EPHB1: variants seen among roughly 807,000 people sequenced by gnomAD.
The protein encoded by EPHB1 is EPH receptor B1.
A neutral mutation model predicts 94.4 loss-of-function variants in EPHB1; 30 were observed. The observed-to-expected ratio is 0.32, with a 90% CI of 0.24 to 0.43. The LOEUF is 0.43. Ranked by LOEUF, EPHB1 falls within the 20% of genes least tolerant of loss-of-function variation. EPHB1 has a pLI of 1.00. For synonymous variants in EPHB1, 522 were observed against 489.1 expected (o/e 1.07, Z -0.89); for missense variants, 1,055 against 1,308.3 (o/e 0.81, Z 2.99).
At chr3:134,860,216 G>A (rs929186545) in intron 1 of EPHB1, among the ~76,000 whole-genome samples, 1 of 128,498 alleles carries the variant, frequency 7.8e-6, no homozygotes, top group Non-Finnish European at 1.7e-5. Context: ...GGGGCACAGG[G>A]ATCAGCTGAC....
chr3:134,805,414 C>T (rs2036023527), intron 1 of EPHB1, among the ~76,000 whole-genome samples: 2 of 152,142 alleles, frequency 1.3e-5, no homozygotes, highest in South Asian at 2.1e-4. Flanking sequence ...CTTTGGGTGT[C>T]GAACCATAAT....
intron 3 of EPHB1, among the ~76,000 whole-genome samples, chr3:135,059,176 C>T (rs934252304): frequency 4.7e-4 from 71 of 152,182 alleles, no homozygotes; most frequent in African/African-American, 1.5e-3. Flanking sequence ...AACTGGGGAA[C>T]TTATGTTCCC....
chr3:134,973,651 C>T (rs192372320), intron 3 of EPHB1, among the ~76,000 whole-genome samples: 56 of 152,090 alleles, frequency 3.7e-4, no homozygotes, highest in African/African-American at 1.3e-3. Context: ...AGGCTAGTCT[C>T]GAACTCCTGA....
chr3:134,964,101 C>A (rs1933634128), intron 3 of EPHB1, among the ~76,000 whole-genome samples: 1 of 152,140 alleles, frequency 6.6e-6, no homozygotes, highest in African/African-American at 2.4e-5. Context: ...GAAAACAGAA[C>A]AAAACACACT....
At position 135,132,954 on chromosome 3, in the gene EPHB1, C is replaced by T. The variant is rs541095826; in HGVS notation, c.1202C>T (p.Pro401Leu). 9.9e-6 allele frequency: 16 copies of T among 1,613,898 alleles called. No individual in the cohort carries two copies. The highest frequency in any genetic ancestry group is 1.7e-5 in the Admixed American group (1 of 60,006). Residue 401 changes from proline (P) to leucine (L), a missense_variant, in exon 5 of 16, where the codon CCC becomes CTC. Pro to Leu is a moderately conservative substitution (Grantham distance 98, BLOSUM62 -3). Coordinates refer to ENST00000398015, the MANE Select transcript of EPHB1 (RefSeq NM_004441.5). Reference sequence around the variant, plus strand: ...ATCAGCAGCCTGTGGGCCCACACCCCCTACACCTTTGACATCCAGGCCATC... The same window carrying T: ...ATCAGCAGCCTGTGGGCCCACACCCTCTACACCTTTGACATCCAGGCCATC... ...VSISSLWAHT[P>L]YTFDIQAING... is the part of the protein sequence containing the mutation.
intron 3 of EPHB1, among the ~76,000 whole-genome samples, chr3:135,021,483 G>A (rs187459090): frequency 8.1e-4 from 122 of 151,444 alleles, no homozygotes; most frequent in African/African-American, 2.8e-3. Context: ...GGTTATTTCT[G>A]GTATTAAAGA....
intron 3 of EPHB1, among the ~76,000 whole-genome samples, chr3:135,025,127 TTCCTTCCTTCCC>T (rs1413584368): frequency 1.2e-3 from 123 of 100,126 alleles, no homozygotes; most frequent in East Asian, 3.6e-3. Flanking sequence ...CCCCCCTTCC[TTCCTTCCTTCCC>T]TCCTTCCTTC....
At chr3:135,086,128 G>A (rs1938352229) in intron 3 of EPHB1, among the ~76,000 whole-genome samples, 1 of 151,972 alleles carries the variant, frequency 6.6e-6, no homozygotes, top group African/African-American at 2.4e-5. Context: ...AGATATGAGA[G>A]GATGCAGACA....
At chr3:135,174,763 C>T (rs1413352837) in intron 9 of EPHB1, among the ~76,000 whole-genome samples, 1 of 152,222 alleles carries the variant, frequency 6.6e-6, no homozygotes, top group Admixed American at 6.5e-5. Flanking sequence ...GCTTAAATAT[C>T]TGGACCAATT....
At chr3:135,000,341 G>A (rs1187418085) in intron 3 of EPHB1, among the ~76,000 whole-genome samples, 1 of 152,150 alleles carries the variant, frequency 6.6e-6, no homozygotes, top group African/African-American at 2.4e-5. Context: ...CCCATGAGAA[G>A]GGTACATATA....
At chr3:135,093,724 A>C (rs78667124) in intron 3 of EPHB1, among the ~76,000 whole-genome samples, 1 of 114,150 alleles carries the variant, frequency 8.8e-6, no homozygotes, top group African/African-American at 2.8e-5. Context: ...CCTGACTCAA[A>C]AAAAAAAAAA....
intron 9 of EPHB1, among the ~76,000 whole-genome samples, chr3:135,170,357 C>T (rs1416020976): frequency 5.9e-5 from 9 of 152,152 alleles, no homozygotes; most frequent in Non-Finnish European, 1.2e-4. Context: ...TAATGTTCCT[C>T]CTCAGAACCT....
intron 10 of EPHB1, among the ~76,000 whole-genome samples, chr3:135,189,184 C>T (rs966881151): frequency 2.6e-5 from 4 of 152,216 alleles, no homozygotes; most frequent in African/African-American, 9.6e-5. Flanking sequence ...TTCTTTCTCT[C>T]CTCTCACATC....
At chr3:135,135,622 T>C (rs1403452273) in intron 5 of EPHB1, among the ~76,000 whole-genome samples, 1 of 152,188 alleles carries the variant, frequency 6.6e-6, no homozygotes, top group Non-Finnish European at 1.5e-5. Context: ...TGGTCCACTC[T>C]AGCTCACACT....
chr3:134,955,672 CGTAT>C (rs1553714775), intron 3 of EPHB1, among the ~76,000 whole-genome samples: 1 of 148,014 alleles, frequency 6.8e-6, no homozygotes, highest in East Asian at 2.0e-4. Flanking sequence ...CACATGCACA[CGTAT>C]GTTTATTGCG....
At chr3:134,890,372 A>C (rs2037955306) in intron 1 of EPHB1, among the ~76,000 whole-genome samples, 1 of 152,262 alleles carries the variant, frequency 6.6e-6, no homozygotes, top group African/African-American at 2.4e-5. Context: ...CATTACTGCC[A>C]AAGCTTTATG....
At chr3:135,218,975 C>T (rs1943217563) in intron 12 of EPHB1, among the ~76,000 whole-genome samples, 1 of 152,184 alleles carries the variant, frequency 6.6e-6, no homozygotes, top group Admixed American at 6.5e-5. Context: ...TGGACACAGA[C>T]TCTGCTTGCT....
At chr3:134,933,239 A>G (rs542767552) in intron 2 of EPHB1, among the ~76,000 whole-genome samples, 51 of 152,084 alleles carry the variant, frequency 3.4e-4, no homozygotes, top group African/African-American at 1.2e-3. Flanking sequence ...TCTTGGTCCT[A>G]AGACGTCTGT....
At chr3:134,962,436 C>T (rs1190025719) in intron 3 of EPHB1, among the ~76,000 whole-genome samples, 4 of 152,298 alleles carry the variant, frequency 2.6e-5, no homozygotes, top group African/African-American at 9.6e-5. Context: ...TGCCTCCCAC[C>T]GATTTTGGCA....
Sources: allele counts gnomAD v4.1 joint callset (sites outside exome capture counted in the v4.1 genomes callset), GRCh38; gene constraint gnomAD v4.1.1; transcripts MANE v1.5; gene names NCBI Gene and HGNC (gene_info 2026-07-23, HGNC 2026-07-21).